TMEM201: variants seen among roughly 807,000 people sequenced by gnomAD.
TMEM201 encodes RP13-15M17.2.
Under a neutral mutation model 63.4 loss-of-function variants are expected in TMEM201, and 26 were observed. That is an observed-to-expected ratio of 0.41 (90% CI 0.30 to 0.57). The LOEUF is 0.57. TMEM201 is among the 20% of genes least tolerant of loss of function. The pLI, the probability that TMEM201 is intolerant of heterozygous loss-of-function variation, is 0.29. For synonymous variants in TMEM201, 417 were observed against 421.6 expected, an observed-to-expected ratio of 0.99 and a Z score of 0.14; for missense variants, 794 against 917.7, an observed-to-expected ratio of 0.87 and a Z score of 1.74.
chr1:9,600,722 C>T (rs1644122888), intron 4 of TMEM201, among the ~76,000 whole-genome samples: 1 of 152,120 alleles, frequency 6.6e-6, no homozygotes, highest in Non-Finnish European at 1.5e-5. Context: ...AGTTCAAGAC[C>T]AGCCTGGCCA....
chr1:9,590,453 A>G (rs1643901349), intron 1 of TMEM201, among the ~76,000 whole-genome samples: 1 of 152,158 alleles, frequency 6.6e-6, no homozygotes, highest in Non-Finnish European at 1.5e-5. Flanking sequence ...CCAGCCACAC[A>G]GCACCTCCGT....
At chr1:9,597,197 A>G (rs1038876466) in intron 3 of TMEM201, 144 bp downstream of exon 3, 48 of 995,046 alleles carry the variant, frequency 4.8e-5, no homozygotes, top group Non-Finnish European at 6.8e-5. Context: ...TGAGTGCCCA[A>G]AGGGGCCCCC....
chr1:9,602,047 G>T, intron 5 of TMEM201, 22 bp from the exon 6 acceptor site: 2 of 1,605,524 alleles, frequency 1.2e-6, no homozygotes, highest in South Asian at 2.2e-5. Flanking sequence ...CCCCTGGGGT[G>T]ACCCCGCTGC....
chr1:9,611,814 C>T lies in TMEM201; in HGVS notation c.1827C>T (p.Asp609=), dbSNP rs1455885617. The change falls in exon 10 of 11, where the codon GAC becomes GAT. Residue 609 remains aspartate (D), a synonymous_variant. Transcript: ENST00000340381. The part of the protein sequence containing the change: ...ACSNRSIKKE[D]DSSQSSTCVV... ...GCAACCGCTCCATCAAGAAAGAGGACGACTCTTCCCAGTCATCTACCTGTG... is the reference window on the plus strand; with the variant it reads ...GCAACCGCTCCATCAAGAAAGAGGATGACTCTTCCCAGTCATCTACCTGTG... The T allele has an allele frequency of 7.1e-6, 11 of 1,550,906 alleles. No individual in the cohort carries two copies. The highest frequency in any genetic ancestry group is 2.4e-5 in the East Asian group (1 of 40,930).
chr1:9,607,705 C>T lies in TMEM201; in HGVS notation c.1309C>T (p.Pro437Ser), dbSNP rs1181085202. Residue 437 changes from proline (P) to serine (S), a missense_variant, in exon 7 of 11, where the codon CCT becomes TCT. Transcript: ENST00000340381. The surrounding 1 kb of genome is among the most constrained non-coding windows in gnomAD (Gnocchi z 5.4). The stretch of plus-strand genomic sequence containing the variant: ...CGCCAACCAGCAGCTCTTCCGGTCT[C>T]CTCGACGGACCTCACCCTCCTCATT... ...PLANQQLFRS[P>S]RRTSPSSLPG... The T allele has an allele frequency of 1.3e-6, 2 of 1,551,906 alleles. No individual in the cohort carries two copies. Among genetic ancestry groups the T allele is most frequent in the Non-Finnish European group, 8.7e-7 (1 of 1,147,092 alleles).
chr1:9,603,784 G>A lies in TMEM201; in HGVS notation c.1160+1512G>A. On this transcript the variant is annotated intron_variant, in intron 6 of 10. Transcript: ENST00000340381. This position sits in a 1 kb window ranked among gnomAD's most constrained non-coding sequence, Gnocchi z 4.5. ...CCCAGCTTCACAAGTGAGGAACCCAGGTGCATCGGGAGACCCTCGGGGGCT... is the reference window on the plus strand; with the variant it reads ...CCCAGCTTCACAAGTGAGGAACCCAAGTGCATCGGGAGACCCTCGGGGGCT... 1 of 985,458 alleles carries A rather than the reference G, an allele frequency of 1.0e-6. No individual in the cohort carries two copies. Among genetic ancestry groups the A allele is most frequent in the Non-Finnish European group, 1.2e-6 (1 of 829,950 alleles). 61.0% of individuals were successfully genotyped at this position (985,458 alleles called of 1,614,324 possible).
At chr1:9,611,090 A>G (rs1644318058) in intron 9 of TMEM201, 1 of 1,490,422 alleles carries the variant, frequency 6.7e-7, no homozygotes. Flanking sequence ...GTGGCCACAG[A>G]TAGTTTCACT....
At chr1:9,593,646 C>A (rs564500955) in intron 1 of TMEM201, among the ~76,000 whole-genome samples, 1 of 152,148 alleles carries the variant, frequency 6.6e-6, no homozygotes, top group Non-Finnish European at 1.5e-5. Flanking sequence ...CTGGGGTGGG[C>A]GGGGCTTCAT....
chr1:9,598,619 C>T lies in TMEM201; in HGVS notation c.600C>T (p.His200=), dbSNP rs141358122. 1,817 of 1,612,698 alleles carry T rather than the reference C, an allele frequency of 1.1e-3. 16 individuals carry two copies. The African/African-American group carries it at 0.019, about 17-fold the overall frequency. ...QFKRREADQT[H]AQNFSSAVKS... Reference sequence around the variant, plus strand: ...AGCGCCGGGAGGCCGACCAGACCCACGCACAGGTGAGAGGCGGCATCCACA... The same window carrying T: ...AGCGCCGGGAGGCCGACCAGACCCATGCACAGGTGAGAGGCGGCATCCACA... Residue 200 remains histidine (H), a synonymous_variant, in exon 4 of 11, where the codon CAC becomes CAT. Coordinates refer to ENST00000340381, the MANE Select transcript of TMEM201 (RefSeq NM_001130924.3).
At position 9,604,558 on chromosome 1, in the gene TMEM201, G is replaced by C; in HGVS notation, c.1160+2286G>C. ...CCTGCCAGGGAACTCTTCTCCTCGC[G>C]GGGGACTTGGGATGGCCATCAGACC... On this transcript the variant is annotated intron_variant, in intron 6 of 10. Transcript: ENST00000340381. The surrounding 1 kb of genome is among the most constrained non-coding windows in gnomAD (Gnocchi z 4.1). 1.0e-6 allele frequency: 1 copy of C among 985,422 alleles called. No homozygotes were observed. Among genetic ancestry groups the C allele is most frequent in the Non-Finnish European group, 1.2e-6 (1 of 829,948 alleles). 61.0% of individuals were successfully genotyped at this position (985,422 alleles called of 1,614,324 possible). A position where few individuals can be genotyped will look rare whatever the true frequency, so the allele number is the denominator to read the frequency against.
Position 9,596,836 on chromosome 1 carries a change from CGAGTCCCA to C in TMEM201, c.235-22_235-15del. The C allele has an allele frequency of 5.8e-6, 9 of 1,562,296 alleles. No individual in the cohort carries two copies. The highest frequency in any genetic ancestry group is 7.9e-6 in the Non-Finnish European group (9 of 1,145,440). ...GCCAGCTGGGAGGGCCTGCCTGCCT[CGAGTCCCA>C]CCTCTCTCCCGCAGAACGGCGACTA... On this transcript the variant is annotated splice_polypyrimidine_tract_variant and intron_variant, in intron 2 of 10. Coordinates refer to ENST00000340381, the MANE Select transcript of TMEM201 (RefSeq NM_001130924.3).
At chr1:9,602,366 T>C (rs1644161409) in intron 6 of TMEM201, 94 bp downstream of exon 6, 1 of 1,526,968 alleles carries the variant, frequency 6.5e-7, no homozygotes, top group Non-Finnish European at 8.8e-7. Context: ...CTGTCCTGCC[T>C]CTTTTCACCT....
intron 1 of TMEM201, among the ~76,000 whole-genome samples, chr1:9,594,435 C>T (rs1027681254): frequency 1.3e-5 from 2 of 152,196 alleles, no homozygotes; most frequent in African/African-American, 4.8e-5. Flanking sequence ...GGTCCCATCT[C>T]CCCTTCTCTC....
Position 9,604,661 on chromosome 1 carries a change from C to A in TMEM201, c.1160+2389C>A. On this transcript the variant is annotated intron_variant, in intron 6 of 10. Coordinates refer to ENST00000340381, the MANE Select transcript of TMEM201 (RefSeq NM_001130924.3). The surrounding 1 kb of genome is among the most constrained non-coding windows in gnomAD (Gnocchi z 4.1). ...TAAGCGAGGTAGATTCAGCCATCCTCACCCTCAGACTTGAGGTCCCCACCC... is the reference window on the plus strand; with the variant it reads ...TAAGCGAGGTAGATTCAGCCATCCTAACCCTCAGACTTGAGGTCCCCACCC... 1.6e-5 allele frequency: 16 copies of A among 985,740 alleles called. No individual in the cohort carries two copies. The highest frequency in any genetic ancestry group is 1.9e-5 in the Non-Finnish European group (16 of 829,958). 61.1% of individuals were successfully genotyped at this position (985,740 alleles called of 1,614,324 possible).
At chr1:9,590,613 G>C (rs1314321911) in intron 1 of TMEM201, among the ~76,000 whole-genome samples, 1 of 152,154 alleles carries the variant, frequency 6.6e-6, no homozygotes, top group Non-Finnish European at 1.5e-5. Context: ...GAGATATTGG[G>C]CTAGCTGGTG....
chr1:9,606,036 T>C (rs1214054123), intron 6 of TMEM201, among the ~76,000 whole-genome samples: 2 of 152,176 alleles, frequency 1.3e-5, no homozygotes, highest in African/African-American at 4.8e-5. Context: ...CTCCCTCCCA[T>C]GGAGGGTCAT....
chr1:9,606,397 A>G (rs770680130), intron 6 of TMEM201: 13 of 152,218 alleles, frequency 8.5e-5, no homozygotes, highest in Non-Finnish European at 1.3e-4. Context: ...CTTGGAAGGC[A>G]TTAGAAAGGT....
At position 9,604,380 on chromosome 1, in the gene TMEM201, C is replaced by T; in HGVS notation, c.1160+2108C>T. On this transcript the variant is annotated intron_variant, in intron 6 of 10. Transcript: ENST00000340381. This position sits in a 1 kb window ranked among gnomAD's most constrained non-coding sequence, Gnocchi z 4.1. ...CTCTCAGCAGAGTGAGGATTCCTGCCTTTCGTAGAGTTTTGTGTGACTTTT... is the reference window on the plus strand; with the variant it reads ...CTCTCAGCAGAGTGAGGATTCCTGCTTTTCGTAGAGTTTTGTGTGACTTTT... 1.0e-6 allele frequency: 1 copy of T among 985,396 alleles called. No homozygotes were observed. Among genetic ancestry groups the T allele is most frequent in the Non-Finnish European group, 1.2e-6 (1 of 829,928 alleles). The allele number at this position is 985,396 out of a possible 1,614,324, so 61.0% of individuals were successfully genotyped here.
rs911003168 is a variant in TMEM201 at position 9,605,449 on chromosome 1, C to T, written c.1161-2108C>T. On this transcript the variant is annotated intron_variant, in intron 6 of 10. Coordinates refer to ENST00000340381, the MANE Select transcript of TMEM201 (RefSeq NM_001130924.3). The surrounding 1 kb of genome is among the most constrained non-coding windows in gnomAD (Gnocchi z 5.7). ...TGAGACGTGGTTTGAGGGCACAGGG[C>T]AGTCGGGGGGGGTCTCTCGCCAAAG... Among the ~76,000 whole-genome samples, 1 of 151,948 alleles carries T rather than the reference C, an allele frequency of 6.6e-6. No individual in the cohort carries two copies. The highest frequency in any genetic ancestry group is 2.4e-5 in the African/African-American group (1 of 41,222).
Sources: allele counts gnomAD v4.1 joint callset (sites outside exome capture counted in the v4.1 genomes callset), GRCh38; gene constraint gnomAD v4.1.1; non-coding constraint Gnocchi (gnomAD v3.1); transcripts MANE v1.5; gene names NCBI Gene and HGNC (gene_info 2026-07-23, HGNC 2026-07-21).